MSH3: variants seen among roughly 807,000 people sequenced by gnomAD.
MSH3 encodes the protein mutS homolog 3, also known as DNA mismatch repair protein Msh3.
In MSH3, 106 loss-of-function variants were observed where a neutral mutation model predicts 123.3. The ratio of observed to expected loss-of-function variants is 0.86; its 90% confidence interval spans 0.73 to 1.01. The LOEUF (loss-of-function observed/expected upper bound fraction) is 1.01. MSH3 is among the 50% of genes least tolerant of loss of function. The probability of loss-of-function intolerance (pLI) is 0.00; values close to 1 mark genes in which losing one functional copy is unlikely to be tolerated. For synonymous variants in MSH3, 515 were observed against 481.4 expected, an observed-to-expected ratio of 1.07 and a Z score of -0.91; for missense variants, 1,459 against 1,347.6, an observed-to-expected ratio of 1.08 and a Z score of -1.29.
In MSH3 at chr5:80,654,807, T is replaced by G; in HGVS notation, c.80T>G (p.Phe27Cys). ...APARQAVLSR[F>C]FQSTGSLKST... ...GCGAGGCAAGCGGTTTTGAGCCGAT[T>G]CTTCCAGTCTACGGGAAGCCTGAAA... Residue 27 changes from phenylalanine to cysteine, a missense_variant, in exon 1 of 24, where the codon TTC (phenylalanine) becomes TGC (cysteine). Phe to Cys is a radical substitution (Grantham distance 205, BLOSUM62 -2). Transcript: ENST00000265081. 1 of 1,606,510 alleles carries G rather than the reference T, an allele frequency of 6.2e-7. No homozygotes were observed. The highest frequency in any genetic ancestry group is 8.5e-7 in the Non-Finnish European group (1 of 1,177,236).
chr5:80,708,223 A>G lies in MSH3; in HGVS notation c.1341-17230A>G, dbSNP rs6151698. 7.5e-3 allele frequency among the ~76,000 whole-genome samples: 1,143 copies of G among 152,262 alleles called. 16 individuals carry two copies. The highest frequency in any genetic ancestry group is 0.025 in the African/African-American group (1,040 of 41,556). On this transcript the variant is annotated intron_variant, in intron 8 of 23. Coordinates refer to ENST00000265081, the MANE Select transcript of MSH3 (RefSeq NM_002439.5). The stretch of plus-strand genomic sequence containing the variant: ...TTAAGAAATCTTTGCCTACTCCAAC[A>G]TCATGAACATTTTCTCATATTTTAT...
chr5:80,751,280 A>G (rs1422020777), intron 12 of MSH3, among the ~76,000 whole-genome samples: 4 of 152,182 alleles, frequency 2.6e-5, no homozygotes, highest in African/African-American at 9.6e-5. Context: ...AACAAACACC[A>G]TATTTATGGT....
At chr5:80,733,924 C>G (rs369021665) in intron 10 of MSH3, among the ~76,000 whole-genome samples, 3 of 152,092 alleles carry the variant, frequency 2.0e-5, no homozygotes, top group Admixed American at 2.0e-4. Flanking sequence ...TCATGACATT[C>G]ACTGTGTGAT....
chr5:80,788,648 A>C (rs1744556298), intron 18 of MSH3, among the ~76,000 whole-genome samples: 1 of 152,008 alleles, frequency 6.6e-6, no homozygotes, highest in South Asian at 2.1e-4. Flanking sequence ...CTATCTCTAC[A>C]AAAATTAAAA....
At chr5:80,751,562 T>A (rs940491400) in intron 12 of MSH3, among the ~76,000 whole-genome samples, 19 of 152,172 alleles carry the variant, frequency 1.2e-4, no homozygotes, top group Non-Finnish European at 1.5e-5. Flanking sequence ...GCTGGCACCC[T>A]TTGGCGTTCC....
chr5:80,792,750 A>G lies in MSH3; in HGVS notation c.2561A>G (p.Glu854Gly). Residue 854 changes from glutamate (E) to glycine (G), a missense_variant, in exon 19 of 24, where the codon GAA becomes GGA. Coordinates refer to ENST00000265081, the MANE Select transcript of MSH3 (RefSeq NM_002439.5). ...GDYCRPTVQE[E>G]RKIVIKNGRH... is the part of the protein sequence containing the mutation. Reference sequence around the variant, plus strand: ...TTTTGCAGACCAACTGTACAAGAAGAAAGAAAAATTGTAATAAAAAATGGA... The same window carrying G: ...TTTTGCAGACCAACTGTACAAGAAGGAAGAAAAATTGTAATAAAAAATGGA... 6.2e-7 allele frequency: 1 copy of G among 1,611,942 alleles called. No homozygotes were observed. The highest frequency in any genetic ancestry group is 8.5e-7 in the Non-Finnish European group (1 of 1,178,286).
intron 22 of MSH3, 101 bp from the exon 23 acceptor site, chr5:80,873,015 G>A: frequency 9.5e-6 from 10 of 1,051,910 alleles, no homozygotes; most frequent in Non-Finnish European, 1.5e-5. Context: ...ATTTCAGATT[G>A]TACGATTTAA....
chr5:80,709,470 A>C (rs934353500), intron 8 of MSH3, among the ~76,000 whole-genome samples: 4 of 152,012 alleles, frequency 2.6e-5, no homozygotes, highest in Non-Finnish European at 5.9e-5. Flanking sequence ...AAAATACAAA[A>C]AATTAGCCTA....
chr5:80,679,244 C>A, intron 8 of MSH3, 151 bp downstream of exon 8: 1 of 859,252 alleles, frequency 1.2e-6, no homozygotes, highest in Non-Finnish European at 1.8e-6. Context: ...AAAAGTAAAA[C>A]AACAAAGCTG....
chr5:80,663,226 A>G (rs1273059510), intron 2 of MSH3, among the ~76,000 whole-genome samples: 1 of 152,196 alleles, frequency 6.6e-6, no homozygotes, highest in African/African-American at 2.4e-5. Flanking sequence ...GTACTTGGAA[A>G]ATTTGGAGTA....
intron 19 of MSH3, among the ~76,000 whole-genome samples, chr5:80,806,689 C>G (rs1744897483): frequency 6.6e-6 from 1 of 152,080 alleles, no homozygotes; most frequent in Non-Finnish European, 1.5e-5. Flanking sequence ...AATAGAATTC[C>G]TAATTTCTAT....
At chr5:80,741,642 T>C (rs1743616517) in intron 11 of MSH3, 94 bp downstream of exon 11, 2 of 867,654 alleles carry the variant, frequency 2.3e-6, no homozygotes, top group South Asian at 2.7e-5. Context: ...CAGGTGAAAA[T>C]ATAGTGTCTT....
chr5:80,728,921 A>G lies in MSH3; in HGVS notation c.1524A>G (p.Lys508=). The G allele has an allele frequency of 6.2e-7, 1 of 1,612,668 alleles. No homozygotes were observed. The highest frequency in any genetic ancestry group is 8.5e-7 in the Non-Finnish European group (1 of 1,178,758). The change falls in exon 10 of 24, where the codon AAA becomes AAG. Residue 508 remains lysine, a synonymous_variant. Transcript: ENST00000265081. The part of the protein sequence containing the change: ...PVICSLAAII[K]YLKEFNLEKM... ...TTTGCTCTTTGGCTGCCATCATAAAATACCTCAAAGAATTCAACTTGGAAA... is the reference window on the plus strand; with the variant it reads ...TTTGCTCTTTGGCTGCCATCATAAAGTACCTCAAAGAATTCAACTTGGAAA...
intron 18 of MSH3, among the ~76,000 whole-genome samples, chr5:80,792,215 G>A (rs909787131): frequency 2.0e-5 from 3 of 151,822 alleles, no homozygotes; most frequent in African/African-American, 7.3e-5. Context: ...GAAAATATTG[G>A]TTTGATCTCA....
At chr5:80,749,690 A>G (rs998474992) in intron 12 of MSH3, among the ~76,000 whole-genome samples, 2 of 152,194 alleles carry the variant, frequency 1.3e-5, no homozygotes, top group African/African-American at 4.8e-5. Context: ...TAATATATCT[A>G]TCACCTCAAA....
chr5:80,735,181 C>G (rs1057390089), intron 10 of MSH3, among the ~76,000 whole-genome samples: 1 of 152,010 alleles, frequency 6.6e-6, no homozygotes, highest in Non-Finnish European at 1.5e-5. Flanking sequence ...GTCAGGAATT[C>G]GAGACCAGCC....
At chr5:80,712,723 A>G (rs1186417111) in intron 8 of MSH3, among the ~76,000 whole-genome samples, 2 of 150,470 alleles carry the variant, frequency 1.3e-5, no homozygotes, top group African/African-American at 4.9e-5. Context: ...CTATTTTTAT[A>G]TCTTTTAAAT....
intron 17 of MSH3, among the ~76,000 whole-genome samples, chr5:80,782,715 G>A (rs1475891477): frequency 6.6e-6 from 1 of 152,136 alleles, no homozygotes; most frequent in East Asian, 1.9e-4. Flanking sequence ...TGCAACTAGA[G>A]CCCCCACTTG....
chr5:80,683,664 T>G (rs1677707), intron 8 of MSH3, among the ~76,000 whole-genome samples: 38,274 of 152,056 alleles, frequency 0.25, 4,916 homozygotes, highest in Middle Eastern at 0.32. Context: ...TCTCTTCACT[T>G]TGTTGATTGT....
Sources: gnomAD v4.1 joint callset for allele counts (sites outside exome capture counted in the v4.1 genomes callset) on GRCh38, gnomAD v4.1.1 for gene constraint, MANE v1.5 for transcripts, NCBI Gene and HGNC (gene_info 2026-07-23, HGNC 2026-07-21) for gene names.